LRRC4C: variants seen among roughly 807,000 people sequenced by gnomAD.
LRRC4C encodes leucine-rich repeat-containing protein 4C.
LRRC4C carries 5 observed loss-of-function variants against 33.6 expected under a neutral mutation model. That is an observed-to-expected ratio of 0.15 (90% CI 0.08 to 0.31). The LOEUF (loss-of-function observed/expected upper bound fraction) is 0.31. LRRC4C is among the 10% of genes least tolerant of loss of function. LRRC4C has a pLI of 1.00. For missense variants in LRRC4C, 560 were observed against 796.7 expected (o/e 0.70, Z 3.58); for synonymous variants, 329 against 302.0 (o/e 1.09, Z -0.93).
chr11:40,548,872 A>G (rs1038715898), intron 3 of LRRC4C, among the ~76,000 whole-genome samples: 4 of 152,282 alleles, frequency 2.6e-5, no homozygotes, highest in African/African-American at 9.6e-5. Context: ...ACCTGCTTGC[A>G]AAGAGCTGAA....
At chr11:40,726,237 G>A (rs964360506) in intron 2 of LRRC4C, among the ~76,000 whole-genome samples, 4 of 151,852 alleles carry the variant, frequency 2.6e-5, no homozygotes, top group African/African-American at 9.7e-5. Flanking sequence ...ATGAGAGCTG[G>A]TGTCAATTCT....
chr11:40,161,643 T>C lies in LRRC4C; in HGVS notation c.-95-20790A>G, dbSNP rs576875099. Among the ~76,000 whole-genome samples, 4 of 152,134 alleles carry C rather than the reference T, an allele frequency of 2.6e-5. 1 individual carries two copies. In the South Asian group the frequency reaches 8.3e-4, roughly 32 times the overall value. ...GCAGTGTTGTGCCTGTAGTCCTAACTACTCGGGAGGCTAGGGCAGGAGAAT... is the reference window on the plus strand; with the variant it reads ...GCAGTGTTGTGCCTGTAGTCCTAACCACTCGGGAGGCTAGGGCAGGAGAAT... On this transcript the variant is annotated intron_variant, in intron 5 of 6. Coordinates refer to ENST00000528697, the MANE Select transcript of LRRC4C (RefSeq NM_001258419.2).
chr11:40,491,243 C>T (rs755919099), intron 3 of LRRC4C, among the ~76,000 whole-genome samples: 7 of 152,244 alleles, frequency 4.6e-5, no homozygotes, highest in South Asian at 2.1e-4. Context: ...TGAGATTGCA[C>T]CACTACACTC....
At chr11:40,672,552 C>A (rs1303644835) in intron 2 of LRRC4C, among the ~76,000 whole-genome samples, 2 of 152,194 alleles carry the variant, frequency 1.3e-5, no homozygotes, top group Non-Finnish European at 2.9e-5. Flanking sequence ...TTTGCTGTGT[C>A]ATTCTGGTTG....
intron 2 of LRRC4C, among the ~76,000 whole-genome samples, chr11:40,710,449 C>T (rs1352053836): frequency 1.3e-5 from 2 of 152,170 alleles, no homozygotes; most frequent in African/African-American, 4.8e-5. Context: ...CAGTCAGGTC[C>T]CTCAGCTGCA....
chr11:41,451,156 T>C (rs1956007842), intron 1 of LRRC4C, among the ~76,000 whole-genome samples: 1 of 152,142 alleles, frequency 6.6e-6, no homozygotes, highest in African/African-American at 2.4e-5. Flanking sequence ...AATAAACAAA[T>C]TTTGAATAAA....
intron 1 of LRRC4C, among the ~76,000 whole-genome samples, chr11:41,168,124 A>G (rs1366807395): frequency 2.0e-5 from 3 of 152,168 alleles, no homozygotes; most frequent in African/African-American, 7.2e-5. Flanking sequence ...ACCTGCAGGG[A>G]CAAAGCAGGT....
chr11:40,956,242 G>T (rs776640233), intron 1 of LRRC4C, among the ~76,000 whole-genome samples: 1 of 151,678 alleles, frequency 6.6e-6, no homozygotes, highest in Admixed American at 6.6e-5. Flanking sequence ...TTCATTCCTG[G>T]ATTGTAAAAT....
At chr11:40,810,793 G>A (rs990746367) in intron 2 of LRRC4C, among the ~76,000 whole-genome samples, 5 of 151,976 alleles carry the variant, frequency 3.3e-5, no homozygotes, top group East Asian at 3.9e-4. Context: ...ACCAACTTTC[G>A]TCAATTCCAT....
chr11:40,340,966 T>C (rs1048223012), intron 3 of LRRC4C, among the ~76,000 whole-genome samples: 23 of 152,184 alleles, frequency 1.5e-4, no homozygotes, highest in Admixed American at 1.3e-4. Flanking sequence ...CATATATTTC[T>C]GTTACATGTC....
At chr11:40,783,915 AAT>A (rs2137302057) in intron 2 of LRRC4C, among the ~76,000 whole-genome samples, 1 of 152,246 alleles carries the variant, frequency 6.6e-6, no homozygotes, top group African/African-American at 2.4e-5. Context: ...CAATCTTGAA[AAT>A]AGTGTCTTAC....
At chr11:41,438,711 A>G (rs1485333400) in intron 1 of LRRC4C, among the ~76,000 whole-genome samples, 1 of 152,154 alleles carries the variant, frequency 6.6e-6, no homozygotes, top group Non-Finnish European at 1.5e-5. Context: ...AGCTTTTCCA[A>G]TCTTATCACC....
chr11:40,366,179 C>T (rs1948200850), intron 3 of LRRC4C, among the ~76,000 whole-genome samples: 4 of 152,102 alleles, frequency 2.6e-5, no homozygotes, highest in Admixed American at 2.6e-4. Context: ...GCACTCACGG[C>T]TGTACCAGAA....
intron 2 of LRRC4C, among the ~76,000 whole-genome samples, chr11:40,905,529 A>T (rs1956378580): frequency 6.6e-6 from 1 of 152,230 alleles, no homozygotes; most frequent in Non-Finnish European, 1.5e-5. Context: ...CAACAAGGAA[A>T]AACTAACAGG....
At chr11:40,342,374 C>A (rs771679329) in intron 3 of LRRC4C, among the ~76,000 whole-genome samples, 2 of 152,102 alleles carry the variant, frequency 1.3e-5, no homozygotes, top group Non-Finnish European at 2.9e-5. Context: ...GAGGCTGAGG[C>A]TGGAGGATCC....
At chr11:41,325,387 T>G (rs1272003452) in intron 1 of LRRC4C, among the ~76,000 whole-genome samples, 1 of 152,204 alleles carries the variant, frequency 6.6e-6, no homozygotes, top group Admixed American at 6.5e-5. Flanking sequence ...TAAGGAATTC[T>G]AATTTCTATG....
At chr11:40,199,652 T>C (rs2135712050) in intron 5 of LRRC4C, among the ~76,000 whole-genome samples, 1 of 152,326 alleles carries the variant, frequency 6.6e-6, no homozygotes, top group Non-Finnish European at 1.5e-5. Context: ...TTTATAAAGA[T>C]ATTAAGATTC....
At chr11:40,557,549 G>C (rs983776331) in intron 3 of LRRC4C, among the ~76,000 whole-genome samples, 2 of 152,074 alleles carry the variant, frequency 1.3e-5, no homozygotes, top group Non-Finnish European at 2.9e-5. Flanking sequence ...AGGTTACATT[G>C]TTATTACACT....
intron 1 of LRRC4C, among the ~76,000 whole-genome samples, chr11:41,075,027 T>TTTTTTTTTTA (rs60614308): frequency 8.7e-5 from 9 of 102,952 alleles, no homozygotes; most frequent in Non-Finnish European, 1.7e-4. Context: ...TTTTTTTTTT[T>TTTTTTTTTTA]TTTTTTTTTA....
Sources: allele counts gnomAD v4.1 joint callset (sites outside exome capture counted in the v4.1 genomes callset), GRCh38; gene constraint gnomAD v4.1.1; transcripts MANE v1.5; gene names NCBI Gene and HGNC (gene_info 2026-07-23, HGNC 2026-07-21).